The following PDSS1 variants were observed in gnomAD, a reference collection of about 807,000 sequenced individuals.
The protein encoded by PDSS1 is all trans-polyprenyl-diphosphate synthase PDSS1.
Under a neutral mutation model 57.5 loss-of-function variants are expected in PDSS1, and 43 were observed. The observed-to-expected ratio is 0.75, with a 90% CI of 0.59 to 0.96. The LOEUF is 0.96. Among genes scored for constraint, PDSS1 ranks in the 50% least tolerant of loss-of-function variants. PDSS1 has a pLI of 0.00. For synonymous variants in PDSS1, 175 were observed against 191.3 expected, an observed-to-expected ratio of 0.91 and a Z score of 0.70; for missense variants, 438 against 527.8, an observed-to-expected ratio of 0.83 and a Z score of 1.67.
chr10:26,732,849 G>A (rs1478670370), intron 8 of PDSS1, among the ~76,000 whole-genome samples: 3 of 152,138 alleles, frequency 2.0e-5, no homozygotes, highest in African/African-American at 7.2e-5. Context: ...GGCCGGGCAC[G>A]GTGGCTCACG....
At position 26,735,543 on chromosome 10, in the gene PDSS1, G is replaced by A; in HGVS notation, c.990G>A (p.Gly330=). The A allele has an allele frequency of 6.2e-7, 1 of 1,613,874 alleles. No individual in the cohort carries two copies. The highest frequency in any genetic ancestry group is 1.1e-5 in the South Asian group (1 of 91,078). The stretch of plus-strand genomic sequence containing the variant: ...CAACATCAGCTGATCTGAAGCTCGG[G>A]TTAGCCACTGGTCCTGTCCTGTTTG... The part of the protein sequence containing the change: ...GKPTSADLKL[G]LATGPVLFAC... Residue 330 remains glycine (G), a synonymous_variant, in exon 10 of 12, where the codon GGG becomes GGA. Coordinates refer to ENST00000376215, the MANE Select transcript of PDSS1 (RefSeq NM_014317.5).
intron 6 of PDSS1, among the ~76,000 whole-genome samples, chr10:26,722,452 C>T (rs2132265764): frequency 6.6e-6 from 1 of 152,130 alleles, no homozygotes; most frequent in East Asian, 1.9e-4. Flanking sequence ...CGCCTGTAAT[C>T]CTAGCACTTT....
intron 1 of PDSS1, among the ~76,000 whole-genome samples, chr10:26,699,165 C>T (rs1158687933): frequency 6.6e-6 from 1 of 151,942 alleles, no homozygotes; most frequent in Admixed American, 6.6e-5. Context: ...CGTTTGGAGA[C>T]CAAGTGGCAG....
intron 5 of PDSS1, among the ~76,000 whole-genome samples, chr10:26,716,068 C>T (rs1475529491): frequency 1.3e-5 from 2 of 152,072 alleles, no homozygotes; most frequent in African/African-American, 4.8e-5. Flanking sequence ...AAAAAAATTC[C>T]CACTGAAGAG....
chr10:26,727,833 A>G (rs1836010723), intron 8 of PDSS1, among the ~76,000 whole-genome samples: 1 of 152,106 alleles, frequency 6.6e-6, no homozygotes, highest in Non-Finnish European at 1.5e-5. Flanking sequence ...TGTCATCTAG[A>G]ACAGTCTTTC....
At chr10:26,697,924 A>T in intron 1 of PDSS1, 84 bp downstream of exon 1, 1 of 1,177,118 alleles carries the variant, frequency 8.5e-7, no homozygotes, top group Non-Finnish European at 1.1e-6. Context: ...GGGAGCGGGG[A>T]GCACGTGCGT....
At chr10:26,743,941 A>G (rs544079087) in intron 11 of PDSS1, among the ~76,000 whole-genome samples, 1 of 152,350 alleles carries the variant, frequency 6.6e-6, no homozygotes, top group South Asian at 2.1e-4. Context: ...GGATCCAAAA[A>G]GATACCACAT....
chr10:26,720,406 C>T (rs1307686020), intron 6 of PDSS1, 47 bp downstream of exon 6: 1 of 1,162,212 alleles, frequency 8.6e-7, no homozygotes, highest in Non-Finnish European at 1.3e-6. Context: ...GAATCACACA[C>T]TTTTCGGACC....
At chr10:26,740,261 G>A (rs1260668993) in intron 10 of PDSS1, among the ~76,000 whole-genome samples, 3 of 152,142 alleles carry the variant, frequency 2.0e-5, no homozygotes, top group African/African-American at 4.8e-5. Flanking sequence ...AGTGAGCTAC[G>A]ATTGCACCAC....
At chr10:26,704,628 A>T (rs1438800051) in intron 2 of PDSS1, 49 bp from the exon 3 acceptor site, 2 of 828,636 alleles carry the variant, frequency 2.4e-6, no homozygotes, top group Non-Finnish European at 2.1e-6. Flanking sequence ...CCAATGTTAC[A>T]GTTTTTCAGG....
chr10:26,721,073 A>C (rs774844058), intron 6 of PDSS1, among the ~76,000 whole-genome samples: 1 of 152,146 alleles, frequency 6.6e-6, no homozygotes, highest in African/African-American at 2.4e-5. Context: ...TGGGAGGCTG[A>C]GGTGGGTGGA....
chr10:26,700,771 G>A (rs1613801), intron 1 of PDSS1, among the ~76,000 whole-genome samples: 94,099 of 151,880 alleles, frequency 0.62, 30,516 homozygotes, highest in East Asian at 0.89. Flanking sequence ...TATAATTATA[G>A]ATTGCCCAGT....
chr10:26,730,165 G>A (rs1338163826), intron 8 of PDSS1, among the ~76,000 whole-genome samples: 4 of 151,798 alleles, frequency 2.6e-5, no homozygotes, highest in Non-Finnish European at 4.4e-5. Context: ...GCCCACCTCG[G>A]CCTCCCAAAG....
chr10:26,728,823 C>T (rs1211487702), intron 8 of PDSS1, among the ~76,000 whole-genome samples: 2 of 137,920 alleles, frequency 1.5e-5, no homozygotes, highest in Non-Finnish European at 3.1e-5. Flanking sequence ...CTGTCACCCA[C>T]GCTGGAGTGC....
At position 26,709,871 on chromosome 10, in the gene PDSS1, G is replaced by A. The variant is rs939065630; in HGVS notation, c.467+103G>A. 72 of 1,258,124 alleles carry A rather than the reference G, an allele frequency of 5.7e-5. No homozygotes were observed. The East Asian group carries it at 7.7e-4, about 14-fold the overall frequency. The allele number at this position is 1,258,124 out of a possible 1,614,324, so 77.9% of individuals were successfully genotyped here. ...TCCCATTTAAGAATTAGCATATACC[G>A]GCTGGGCATGGTGGCTCATGCCTAT... On this transcript the variant is annotated intron_variant, in intron 5 of 11. Coordinates refer to ENST00000376215, the MANE Select transcript of PDSS1 (RefSeq NM_014317.5).
intron 10 of PDSS1, among the ~76,000 whole-genome samples, chr10:26,735,951 A>G (rs1300917590): frequency 6.6e-6 from 1 of 152,062 alleles, no homozygotes; most frequent in Non-Finnish European, 1.5e-5. Flanking sequence ...TGATTATAGG[A>G]CTGGACTTTG....
chr10:26,720,494 A>G, intron 6 of PDSS1, 135 bp downstream of exon 6: 1 of 715,980 alleles, frequency 1.4e-6, no homozygotes, highest in Non-Finnish European at 2.5e-6. Flanking sequence ...TCAAAAAAGT[A>G]TTCATGTCTT....
intron 8 of PDSS1, among the ~76,000 whole-genome samples, chr10:26,732,812 A>G (rs2132294309): frequency 6.6e-6 from 1 of 152,334 alleles, no homozygotes; most frequent in South Asian, 2.1e-4. Context: ...ATTTTAATCC[A>G]TTAAAATGTT....
At chr10:26,743,751 C>G (rs1171804150) in intron 11 of PDSS1, among the ~76,000 whole-genome samples, 2 of 152,204 alleles carry the variant, frequency 1.3e-5, no homozygotes. Flanking sequence ...CGGGAATGTT[C>G]TCTGAACAAA....
Sources: gnomAD v4.1 joint callset for allele counts (sites outside exome capture counted in the v4.1 genomes callset) on GRCh38, gnomAD v4.1.1 for gene constraint, MANE v1.5 for transcripts, NCBI Gene and HGNC (gene_info 2026-07-23, HGNC 2026-07-21) for gene names.